The following FAM3B variants were observed in gnomAD, a reference collection of about 807,000 sequenced individuals.
FAM3B encodes the protein FAM3 metabolism regulating signaling molecule B, also known as protein FAM3B.
In FAM3B, 29 loss-of-function variants were observed where a neutral mutation model predicts 28.4. The ratio of observed to expected loss-of-function variants is 1.02; its 90% confidence interval spans 0.76 to 1.39. The LOEUF (loss-of-function observed/expected upper bound fraction) is 1.39, where lower values mean the gene tolerates loss of function less well. Among genes scored for constraint, FAM3B ranks in the 40% most tolerant of loss-of-function variants. The pLI is 0.00. For synonymous variants in FAM3B, 91 were observed against 103.0 expected (o/e 0.88, Z 0.71); for missense variants, 266 against 293.9 (o/e 0.91, Z 0.69).
chr21:41,348,486 T>A (rs1568922916), intron 6 of FAM3B, 106 bp from the exon 7 acceptor site: 2 of 1,346,592 alleles, frequency 1.5e-6, no homozygotes, highest in African/African-American at 2.9e-5. Flanking sequence ...TGAATGTGTT[T>A]AGAAACCTCC....
chr21:41,343,795 T>C (rs2089029157), intron 3 of FAM3B, among the ~76,000 whole-genome samples: 1 of 152,192 alleles, frequency 6.6e-6, no homozygotes, highest in Non-Finnish European at 1.5e-5. Flanking sequence ...GAATTTGGCA[T>C]TTCATATTCT....
At chr21:41,311,704 G>A (rs955564899) in intron 1 of FAM3B, among the ~76,000 whole-genome samples, 2 of 152,130 alleles carry the variant, frequency 1.3e-5, no homozygotes, top group Non-Finnish European at 2.9e-5. Flanking sequence ...GTTGAAATAT[G>A]TTGTTTTCGT....
intron 2 of FAM3B, among the ~76,000 whole-genome samples, chr21:41,324,281 T>C (rs555613719): frequency 6.6e-6 from 1 of 152,284 alleles, no homozygotes; most frequent in Admixed American, 6.5e-5. Flanking sequence ...AGATCTCCCA[T>C]AAAACTCCAT....
chr21:41,328,343 G>A (rs1251768143), intron 2 of FAM3B, among the ~76,000 whole-genome samples: 2 of 151,992 alleles, frequency 1.3e-5, no homozygotes, highest in Non-Finnish European at 1.5e-5. Flanking sequence ...GTTTTCAGGC[G>A]AATACCTAGG....
At chr21:41,331,960 A>G (rs1311636561) in intron 2 of FAM3B, among the ~76,000 whole-genome samples, 2 of 152,174 alleles carry the variant, frequency 1.3e-5, no homozygotes, top group East Asian at 1.9e-4. Flanking sequence ...CCACTTGGTC[A>G]TGGCAATTTC....
At chr21:41,318,732 G>A (rs547620708) in intron 1 of FAM3B, among the ~76,000 whole-genome samples, 2 of 152,334 alleles carry the variant, frequency 1.3e-5, no homozygotes, top group African/African-American at 4.8e-5. Context: ...CCTCGTTCAG[G>A]TTGAAGGAAA....
At chr21:41,308,244 T>A (rs1370768781) in intron 1 of FAM3B, among the ~76,000 whole-genome samples, 1 of 152,196 alleles carries the variant, frequency 6.6e-6, no homozygotes, top group Admixed American at 6.5e-5. Context: ...GTACCTTCTC[T>A]CCATTTTCTC....
intron 2 of FAM3B, among the ~76,000 whole-genome samples, chr21:41,323,488 G>A (rs139122838): frequency 6.6e-6 from 1 of 152,216 alleles, no homozygotes; most frequent in African/African-American, 2.4e-5. Context: ...GTGAAAGAAA[G>A]GGCAGACATT....
chr21:41,349,666 A>C (rs1174309893), intron 7 of FAM3B, among the ~76,000 whole-genome samples: 1 of 152,140 alleles, frequency 6.6e-6, no homozygotes, highest in African/African-American at 2.4e-5. Context: ...TGTTGCCATG[A>C]CCACCTGAGG....
At chr21:41,351,974 C>T (rs1333354509) in intron 7 of FAM3B, among the ~76,000 whole-genome samples, 1 of 152,192 alleles carries the variant, frequency 6.6e-6, no homozygotes, top group African/African-American at 2.4e-5. Flanking sequence ...CTCTTCTGCA[C>T]CCTGAACTGT....
chr21:41,316,192 C>T (rs2088747530), upstream of FAM3B, among the ~76,000 whole-genome samples: 2 of 152,202 alleles, frequency 1.3e-5, no homozygotes, highest in Admixed American at 1.3e-4. Context: ...TCCTGAAGCT[C>T]CTTGGTCATC....
chr21:41,328,973 A>G (rs756336303), intron 2 of FAM3B, among the ~76,000 whole-genome samples: 8 of 152,248 alleles, frequency 5.3e-5, no homozygotes, highest in Non-Finnish European at 8.8e-5. Flanking sequence ...AGGCCCTTCC[A>G]GCACCAGTGC....
At chr21:41,343,299 G>A (rs1168360765) in intron 3 of FAM3B, among the ~76,000 whole-genome samples, 1 of 152,138 alleles carries the variant, frequency 6.6e-6, no homozygotes, top group Non-Finnish European at 1.5e-5. Context: ...CTGAAATTTA[G>A]TCTTCTCCCA....
chr21:41,315,817 A>G (rs1442117226), upstream of FAM3B, among the ~76,000 whole-genome samples: 2 of 152,178 alleles, frequency 1.3e-5, no homozygotes, highest in African/African-American at 2.4e-5. Context: ...AGGGAGACTC[A>G]GGGCCAAGCC....
chr21:41,318,758 T>TGAC (rs2088774051), intron 1 of FAM3B, among the ~76,000 whole-genome samples: 1 of 152,224 alleles, frequency 6.6e-6, no homozygotes, highest in African/African-American at 2.4e-5. Flanking sequence ...TCAATAGACC[T>TGAC]GGGTCCTAGG....
At chr21:41,320,950 C>G (rs576473722) in intron 1 of FAM3B, 2 of 152,320 alleles carry the variant, frequency 1.3e-5, no homozygotes, top group South Asian at 4.1e-4. Flanking sequence ...CCTATTCCTT[C>G]ATGTAGCTGC....
chr21:41,309,156 T>A (rs893247174), intron 1 of FAM3B, among the ~76,000 whole-genome samples: 4 of 152,234 alleles, frequency 2.6e-5, no homozygotes, highest in Admixed American at 2.6e-4. Context: ...ACTGCTCAAG[T>A]GAGCACACAG....
At chr21:41,331,975 G>C (rs2088910173) in intron 2 of FAM3B, among the ~76,000 whole-genome samples, 1 of 152,262 alleles carries the variant, frequency 6.6e-6, no homozygotes, top group African/African-American at 2.4e-5. Context: ...AATTTCGTTT[G>C]GATATTTGGC....
intron 3 of FAM3B, among the ~76,000 whole-genome samples, chr21:41,341,760 G>A (rs1315819568): frequency 6.6e-6 from 1 of 152,202 alleles, no homozygotes; most frequent in Non-Finnish European, 1.5e-5. Context: ...TTCCCAGTTT[G>A]GGGTTATTAT....
Sources: gnomAD v4.1 joint callset for allele counts (sites outside exome capture counted in the v4.1 genomes callset) on GRCh38, gnomAD v4.1.1 for gene constraint, MANE v1.5 for transcripts, NCBI Gene and HGNC (gene_info 2026-07-23, HGNC 2026-07-21) for gene names.